The following GSE1 variants were observed in gnomAD, a reference collection of about 807,000 sequenced individuals.
GSE1 encodes genetic suppressor element 1.
A neutral mutation model predicts 112.6 loss-of-function variants in GSE1; 32 were observed. That is an observed-to-expected ratio of 0.28 (90% CI 0.21 to 0.38). The LOEUF (loss-of-function observed/expected upper bound fraction) is 0.38, where lower values mean the gene tolerates loss of function less well. Ranked by LOEUF, GSE1 falls within the 10% of genes least tolerant of loss-of-function variation. GSE1 has a pLI of 1.00. For missense variants in GSE1, 2,348 were observed against 1,699.2 expected (o/e 1.38, Z -6.71); for synonymous variants, 1,115 against 735.6 (o/e 1.52, Z -8.35).
chr16:85,181,497 T>A (rs1597732952), intron 1 of GSE1, among the ~76,000 whole-genome samples: 2 of 152,220 alleles, frequency 1.3e-5, no homozygotes. Context: ...CACACGGCCC[T>A]GCCCCTGATT....
At chr16:85,563,149 A>C (rs550886137) in intron 1 of GSE1, among the ~76,000 whole-genome samples, 2 of 151,228 alleles carry the variant, frequency 1.3e-5, no homozygotes, top group Non-Finnish European at 2.9e-5. Context: ...GAGGGAATCA[A>C]CATCCACATG....
intron 1 of GSE1, among the ~76,000 whole-genome samples, chr16:85,196,117 A>G (rs2074922034): frequency 6.6e-6 from 1 of 152,230 alleles, no homozygotes; most frequent in Non-Finnish European, 1.5e-5. Context: ...AGGGCAGGGC[A>G]GTTTTTGCTG....
chr16:85,350,331 C>A (rs1462883314), intron 1 of GSE1, among the ~76,000 whole-genome samples: 1 of 152,116 alleles, frequency 6.6e-6, no homozygotes, highest in African/African-American at 2.4e-5. Context: ...TGGGGTGCAC[C>A]TGGAGCTTGC....
chr16:85,463,742 G>A (rs957085497), intron 2 of GSE1, among the ~76,000 whole-genome samples: 1 of 152,168 alleles, frequency 6.6e-6, no homozygotes, highest in Admixed American at 6.5e-5. Context: ...GCAGCGAGAG[G>A]GTAAGAGTCA....
intron 1 of GSE1, among the ~76,000 whole-genome samples, chr16:85,335,239 G>A (rs940685236): frequency 6.6e-6 from 1 of 152,240 alleles, no homozygotes; most frequent in Admixed American, 6.5e-5. Flanking sequence ...CTCTGAGCCC[G>A]GGGGTGAGCG....
intron 2 of GSE1, among the ~76,000 whole-genome samples, chr16:85,489,212 A>G (rs1241564152): frequency 1.3e-5 from 2 of 151,928 alleles, no homozygotes; most frequent in East Asian, 1.9e-4. Flanking sequence ...ATTCTACTGG[A>G]CAGCTCAGGT....
At chr16:85,619,827 G>A (rs977430505) in intron 1 of GSE1, among the ~76,000 whole-genome samples, 8 of 152,092 alleles carry the variant, frequency 5.3e-5, no homozygotes, top group African/African-American at 1.9e-4. Context: ...CACCAGGGAA[G>A]AAAGGGGCCC....
intron 2 of GSE1, among the ~76,000 whole-genome samples, chr16:85,497,584 C>A (rs1567537489): frequency 6.6e-6 from 1 of 152,228 alleles, no homozygotes; most frequent in South Asian, 2.1e-4. Context: ...CATCTCACAG[C>A]AAACTGCTGA....
intron 1 of GSE1, among the ~76,000 whole-genome samples, chr16:85,281,502 G>A (rs1157954821): frequency 2.6e-5 from 4 of 152,200 alleles, no homozygotes; most frequent in Admixed American, 2.6e-4. Context: ...CAGATGAGAA[G>A]TTACCTTGCA....
At chr16:85,366,077 G>A (rs1419751200) in intron 2 of GSE1, among the ~76,000 whole-genome samples, 2 of 152,226 alleles carry the variant, frequency 1.3e-5, no homozygotes, top group African/African-American at 2.4e-5. Context: ...CTTTTTTGTT[G>A]GGCAAATGGG....
chr16:85,196,798 C>T (rs991168503), intron 1 of GSE1, among the ~76,000 whole-genome samples: 9 of 151,932 alleles, frequency 5.9e-5, no homozygotes, highest in African/African-American at 1.5e-4. Context: ...GGGGGCCTGC[C>T]GGAATTTTCA....
intron 2 of GSE1, among the ~76,000 whole-genome samples, chr16:85,484,717 C>T (rs1048811411): frequency 6.6e-6 from 1 of 152,220 alleles, no homozygotes; most frequent in East Asian, 1.9e-4. Flanking sequence ...AGCAGAGCCC[C>T]GACTCAAAAC....
At chr16:85,545,740 C>T (rs145926799) in intron 2 of GSE1, among the ~76,000 whole-genome samples, 2 of 152,152 alleles carry the variant, frequency 1.3e-5, no homozygotes, top group Non-Finnish European at 2.9e-5. Flanking sequence ...ACCTAGAGAC[C>T]TATGGGTATG....
chr16:85,597,619 A>T (rs2047289979), intron 1 of GSE1, among the ~76,000 whole-genome samples: 1 of 151,888 alleles, frequency 6.6e-6, no homozygotes, highest in Non-Finnish European at 1.5e-5. Context: ...ACAGGTATGC[A>T]CCGCCACACC....
At chr16:85,338,602 A>T (rs1160857569) in intron 1 of GSE1, among the ~76,000 whole-genome samples, 10 of 152,256 alleles carry the variant, frequency 6.6e-5, no homozygotes, top group Admixed American at 6.5e-4. Context: ...ACATTAAATA[A>T]TTAAGGGGTT....
exon 1 of GSE1, chr16:85,171,538 G>T (rs1160597488): frequency 3.0e-6 from 3 of 985,418 alleles, no homozygotes; most frequent in Non-Finnish European, 2.4e-6. Flanking sequence ...CGCTGTCAGC[G>T]CCTGGTCCCG....
chr16:85,498,461 A>G (rs544026818), intron 2 of GSE1, among the ~76,000 whole-genome samples: 1 of 152,314 alleles, frequency 6.6e-6, no homozygotes, highest in Non-Finnish European at 1.5e-5. Context: ...ACGGATGTGC[A>G]TATACATGCA....
chr16:85,663,404 G>T lies in GSE1; in HGVS notation c.2434G>T (p.Ala812Ser), dbSNP rs770968103. Residue 812 changes from alanine to serine, a missense_variant, in exon 11 of 16, where the codon GCC becomes TCC. Ala to Ser is a moderately conservative substitution (Grantham distance 99). Transcript: ENST00000253458. Reference protein sequence around the residue: ...TTQQQKEELVAQKRRKRRRML... With the variant: ...TTQQQKEELVSQKRRKRRRML... ...CCAACAGCAGAAGGAGGAATTGGTG[G>T]CCCAGAAGCGGAGGAAGCGGCGGAG... 66 of 1,613,788 alleles carry T rather than the reference G, an allele frequency of 4.1e-5. No homozygotes were observed. Among genetic ancestry groups the T allele is most frequent in the Non-Finnish European group, 5.4e-5 (64 of 1,180,014 alleles).
rs187523006 is a variant in GSE1 at position 85,399,569 on chromosome 16, C to A, written c.2464+41926C>A. Among the ~76,000 whole-genome samples, 141 of 152,312 alleles carry A rather than the reference C, an allele frequency of 9.3e-4. 2 individuals carry two copies. The East Asian group carries it at 0.025, about 28-fold the overall frequency. On this transcript the variant is annotated intron_variant, in intron 2 of 2. Coordinates refer to the GSE1 transcript ENST00000637419. ...CCCTGCAGGCCCCTGGGTAAACCGA[C>A]CAGTTTCCTAAGCTGCCTGCCTGCT...
Sources: allele counts gnomAD v4.1 joint callset (sites outside exome capture counted in the v4.1 genomes callset), GRCh38; gene constraint gnomAD v4.1.1; transcripts MANE v1.5; gene names NCBI Gene and HGNC (gene_info 2026-07-23, HGNC 2026-07-21).